XKR6: variants seen among roughly 807,000 people sequenced by gnomAD.
XKR6 encodes the protein XK-related protein 6.
In XKR6, 22 loss-of-function variants were observed where a neutral mutation model predicts 56.7. The observed-to-expected ratio is 0.39, with a 90% confidence interval of 0.28 to 0.55. XKR6 has a LOEUF of 0.55. Among genes scored for constraint, XKR6 ranks in the 20% least tolerant of loss-of-function variants. The pLI is 0.66. For missense variants in XKR6, 852 were observed against 889.0 expected, an observed-to-expected ratio of 0.96 and a Z score of 0.53; for synonymous variants, 524 against 387.8, an observed-to-expected ratio of 1.35 and a Z score of -4.13.
intron 1 of XKR6, among the ~76,000 whole-genome samples, chr8:11,144,557 G>C (rs1265262517): frequency 6.6e-6 from 1 of 151,956 alleles, no homozygotes; most frequent in Non-Finnish European, 1.5e-5. Flanking sequence ...TAATGATTTT[G>C]ACTAACGAGC....
At chr8:11,099,201 G>A (rs999175696) in intron 1 of XKR6, among the ~76,000 whole-genome samples, 3 of 152,264 alleles carry the variant, frequency 2.0e-5, no homozygotes, top group Admixed American at 2.0e-4. Context: ...TCTTAGCTGG[G>A]TACAGCAGGA....
chr8:10,945,309 C>A (rs571225701), intron 1 of XKR6, among the ~76,000 whole-genome samples: 1 of 152,320 alleles, frequency 6.6e-6, no homozygotes, highest in East Asian at 1.9e-4. Flanking sequence ...CATGGTGAAA[C>A]CCTGTCTCTA....
rs977819844 is a variant in XKR6, at chr8:11,201,633, G to T, written c.-294C>A. On this transcript the variant is annotated 5_prime_UTR_variant, in exon 1 of 3. Transcript: ENST00000416569. ...TCAGCTGCTGGGCGGGGGACCGGGG[G>T]GTTCTCCCCGCCAGGGCTCCCCTTC... Among the ~76,000 whole-genome samples, 1 of 151,766 alleles carries T rather than the reference G, an allele frequency of 6.6e-6. No homozygotes were observed. The highest frequency in any genetic ancestry group is 1.5e-5 in the Non-Finnish European group (1 of 67,880).
chr8:11,173,460 A>G (rs1176078576), intron 1 of XKR6, among the ~76,000 whole-genome samples: 1 of 151,884 alleles, frequency 6.6e-6, no homozygotes, highest in Non-Finnish European at 1.5e-5. Context: ...TTCTGCTCCT[A>G]CAAGATGGCA....
intron 1 of XKR6, among the ~76,000 whole-genome samples, chr8:10,959,350 T>C (rs1295653150): frequency 6.6e-6 from 1 of 152,110 alleles, no homozygotes; most frequent in Non-Finnish European, 1.5e-5. Flanking sequence ...ATAGGAGAAA[T>C]GGGTAGATGT....
intron 1 of XKR6, among the ~76,000 whole-genome samples, chr8:11,157,400 A>G (rs1271653499): frequency 1.3e-5 from 2 of 152,184 alleles, no homozygotes; most frequent in Non-Finnish European, 2.9e-5. Context: ...CAGTGGGGGA[A>G]GCTGATGAGG....
chr8:11,087,789 C>T (rs1236011135), intron 1 of XKR6, among the ~76,000 whole-genome samples: 1 of 152,222 alleles, frequency 6.6e-6, no homozygotes, highest in Non-Finnish European at 1.5e-5. Flanking sequence ...TCTGATCTCA[C>T]ACGCAAAGGT....
intron 1 of XKR6, among the ~76,000 whole-genome samples, chr8:11,183,804 C>G (rs1000601475): frequency 1.3e-5 from 2 of 152,074 alleles, no homozygotes; most frequent in African/African-American, 4.8e-5. Context: ...CAAGTGGGCT[C>G]ATGAAGCGGA....
intron 1 of XKR6, among the ~76,000 whole-genome samples, chr8:11,060,355 G>C (rs1285542423): frequency 1.3e-5 from 2 of 152,106 alleles, no homozygotes; most frequent in African/African-American, 2.4e-5. Flanking sequence ...AGGCCTCCCC[G>C]CATCCAGCCT....
chr8:10,941,293 G>T (rs1489391198), intron 1 of XKR6, among the ~76,000 whole-genome samples: 1 of 152,154 alleles, frequency 6.6e-6, no homozygotes, highest in African/African-American at 2.4e-5. Context: ...GGAACAGAGG[G>T]GACGGTGTCA....
chr8:11,125,390 T>G (rs1307314912), intron 1 of XKR6, among the ~76,000 whole-genome samples: 5 of 152,158 alleles, frequency 3.3e-5, no homozygotes, highest in African/African-American at 1.2e-4. Flanking sequence ...TTATTGATTT[T>G]AGGCAAAGGG....
chr8:11,137,523 C>CAACTGCT, intron 1 of XKR6: 1 of 455,690 alleles, frequency 2.2e-6, no homozygotes, highest in Non-Finnish European at 4.4e-6. Flanking sequence ...GACGGCCAGG[C>CAACTGCT]AACTGCTGCG....
intron 1 of XKR6, among the ~76,000 whole-genome samples, chr8:11,165,738 A>G (rs1802039599): frequency 1.3e-5 from 2 of 152,188 alleles, no homozygotes; most frequent in African/African-American, 2.4e-5. Flanking sequence ...AAGGAACACC[A>G]GAAAGACACC....
chr8:10,965,240 A>T (rs1802183598), intron 1 of XKR6, among the ~76,000 whole-genome samples: 1 of 152,218 alleles, frequency 6.6e-6, no homozygotes, highest in Non-Finnish European at 1.5e-5. Flanking sequence ...AGTTCGGCTC[A>T]TCTGAGCTCT....
intron 1 of XKR6, among the ~76,000 whole-genome samples, chr8:11,156,701 A>G (rs1033807052): frequency 6.6e-6 from 1 of 152,204 alleles, no homozygotes; most frequent in Admixed American, 6.5e-5. Flanking sequence ...ACAGTGGTAA[A>G]TCAAAATATC....
intron 1 of XKR6, among the ~76,000 whole-genome samples, chr8:11,100,315 A>G (rs1798423065): frequency 6.6e-6 from 1 of 152,200 alleles, no homozygotes; most frequent in Non-Finnish European, 1.5e-5. Context: ...TCGACCTCCC[A>G]AAGTGCTGGG....
intron 1 of XKR6, among the ~76,000 whole-genome samples, chr8:11,067,815 C>G (rs982542880): frequency 1.2e-4 from 19 of 152,240 alleles, no homozygotes; most frequent in African/African-American, 4.3e-4. Context: ...GGATGTGCCT[C>G]CCACTTTTTG....
chr8:11,044,333 G>A (rs149915422), intron 1 of XKR6, among the ~76,000 whole-genome samples: 2 of 152,340 alleles, frequency 1.3e-5, no homozygotes, highest in African/African-American at 4.8e-5. Flanking sequence ...AATATTCATA[G>A]CTCCTCCCAG....
intron 1 of XKR6, among the ~76,000 whole-genome samples, chr8:10,956,405 C>G (rs1801889436): frequency 6.6e-6 from 1 of 152,130 alleles, no homozygotes; most frequent in African/African-American, 2.4e-5. Flanking sequence ...CAGGATCTGC[C>G]CAACACCCCA....
Sources: allele counts gnomAD v4.1 joint callset (sites outside exome capture counted in the v4.1 genomes callset), GRCh38; gene constraint gnomAD v4.1.1; transcripts MANE v1.5; gene names NCBI Gene and HGNC (gene_info 2026-07-23, HGNC 2026-07-21).